Variants in TULP4 observed in about 807,000 individuals in gnomAD.
TULP4 encodes the protein tubby-related protein 4.
TULP4 carries 16 observed loss-of-function variants against 129.0 expected under a neutral mutation model. The ratio of observed to expected loss-of-function variants is 0.12; its 90% CI spans 0.08 to 0.19. TULP4 has a LOEUF of 0.19. TULP4 is among the 10% of genes least tolerant of loss of function. The pLI, the probability that TULP4 is intolerant of heterozygous loss-of-function variation, is 1.00. For synonymous variants in TULP4, 998 were observed against 854.0 expected (o/e 1.17, Z -2.94); for missense variants, 1,842 against 2,059.1 (o/e 0.89, Z 2.04).
At chr6:158,356,707 G>A (rs947633432) in intron 1 of TULP4, among the ~76,000 whole-genome samples, 7 of 152,098 alleles carry the variant, frequency 4.6e-5, no homozygotes, top group Non-Finnish European at 2.9e-5. Context: ...GGTAGATAGG[G>A]TAATTGACGG....
In TULP4 at chr6:158,342,750, A is replaced by G. The variant is rs372213754; in HGVS notation, c.252+28482A>G. Among the ~76,000 whole-genome samples the G allele has an allele frequency of 2.6e-5, 4 of 152,358 alleles. No individual in the cohort carries two copies. In the East Asian group the frequency reaches 7.7e-4, roughly 29 times the overall value. ...TCAGTTGTTAGTTCTGTCACCTACT[A>G]GCTGTATAATCTTCAACATGGCCCC... On this transcript the variant is annotated intron_variant, in intron 1 of 13. Transcript: ENST00000367097.
intron 1 of TULP4, chr6:158,398,514 T>C (rs988857670): frequency 6.6e-6 from 1 of 152,312 alleles, no homozygotes; most frequent in Non-Finnish European, 1.5e-5. Flanking sequence ...ACTTACTCTG[T>C]CCACTGGGGT....
chr6:158,242,632 A>G (rs1332896623), intron 1 of TULP4: 10 of 694,372 alleles, frequency 1.4e-5, no homozygotes, highest in Non-Finnish European at 2.2e-5. Flanking sequence ...ATGACATTCA[A>G]GGCTTCTCTG....
chr6:158,330,032 TAAA>T (rs66971418), intron 1 of TULP4, among the ~76,000 whole-genome samples: 130,862 of 152,022 alleles, frequency 0.86, 56,757 homozygotes, highest in South Asian at 0.93. Context: ...ACATTAAAAG[TAAA>T]AAGAAACAGG....
At chr6:158,500,868 C>CA (rs1780430342) in intron 12 of TULP4, among the ~76,000 whole-genome samples, 1 of 152,196 alleles carries the variant, frequency 6.6e-6, no homozygotes. Context: ...AGTTGGGGAC[C>CA]AGCCTGGCCA....
intron 1 of TULP4, among the ~76,000 whole-genome samples, chr6:158,354,962 G>A (rs935690985): frequency 1.3e-5 from 2 of 151,806 alleles, no homozygotes; most frequent in Non-Finnish European, 2.9e-5. Flanking sequence ...TTGCCATACA[G>A]GAAAATAATA....
At chr6:158,322,117 A>G (rs868121306) in intron 1 of TULP4, among the ~76,000 whole-genome samples, 1 of 152,250 alleles carries the variant, frequency 6.6e-6, no homozygotes, top group African/African-American at 2.4e-5. Flanking sequence ...TGAAACATTT[A>G]TACAGTATTT....
In TULP4 at chr6:158,502,427, T is replaced by C. The variant is rs370453448; in HGVS notation, c.2764T>C (p.Ser922Pro). The C allele has an allele frequency of 1.9e-6, 3 of 1,612,978 alleles. No individual in the cohort carries two copies. The highest frequency in any genetic ancestry group is 3.3e-5 in the Admixed American group (2 of 59,956). Residue 922 changes from serine to proline, a missense_variant, in exon 13 of 14, where the codon TCT becomes CCT. This residue lies in a region of TULP4 where 1,089 missense variants were observed against 987.1 expected (regional missense o/e 1.10). Transcript: ENST00000367097. ...GTACACCCTCCCCGGCCCGGGTAGC[T>C]CTGCCACCTTGAGGCTCACGGCCAC... is the stretch of plus-strand genomic sequence containing the variant. ...NTYTLPGPGSSATLRLTATEK... is the reference protein window; with the variant it reads ...NTYTLPGPGSPATLRLTATEK...
chr6:158,385,842 C>CTTTTTTTTTTTTTTTTTTTTTTTTTT lies in TULP4; in HGVS notation c.253-27203_253-27202insTTTTTTTTTTTTTTTTTTTTTTTTTT, dbSNP rs778595442. On this transcript the variant is annotated intron_variant, in intron 1 of 13. Coordinates refer to ENST00000367097, the MANE Select transcript of TULP4 (RefSeq NM_020245.5). ...GGAAAAGTCTACAAATGTGGAATAT[C>CTTTTTTTTTTTTTTTTTTTTTTTTTT]TTTTTTTTTTTTTTTTTTTTGAGAA... Among the ~76,000 whole-genome samples, 54 of 59,584 alleles carry CTTTTTTTTTTTTTTTTTTTTTTTTTT rather than the reference C, an allele frequency of 9.1e-4. 14 individuals are homozygous for CTTTTTTTTTTTTTTTTTTTTTTTTTT. Among genetic ancestry groups the CTTTTTTTTTTTTTTTTTTTTTTTTTT allele is most frequent in the African/African-American group, 1.0e-3 (14 of 13,882 alleles). The allele number at this position is 59,584 out of a possible 152,430, so 39.1% of individuals were successfully genotyped here. A position where few individuals can be genotyped will look rare whatever the true frequency, so the allele number is the denominator to read the frequency against.
At chr6:158,259,000 C>T (rs1044362600) in intron 1 of TULP4, among the ~76,000 whole-genome samples, 2 of 152,124 alleles carry the variant, frequency 1.3e-5, no homozygotes, top group African/African-American at 4.8e-5. Context: ...GAGGCTGAGG[C>T]GGGTGGATCA....
chr6:158,376,301 T>TG (rs1777188818), intron 1 of TULP4, among the ~76,000 whole-genome samples: 1 of 152,192 alleles, frequency 6.6e-6, no homozygotes, highest in Admixed American at 6.5e-5. Context: ...AGTCGAATGG[T>TG]GGGTGGGTGT....
chr6:158,302,484 A>G (rs959732516), intron 1 of TULP4, among the ~76,000 whole-genome samples: 2 of 152,206 alleles, frequency 1.3e-5, no homozygotes, highest in Non-Finnish European at 2.9e-5. Flanking sequence ...CTTTTTTACT[A>G]GAAACACAGG....
At chr6:158,481,993 C>T (rs1374980962) in intron 8 of TULP4, among the ~76,000 whole-genome samples, 1 of 152,186 alleles carries the variant, frequency 6.6e-6, no homozygotes, top group Non-Finnish European at 1.5e-5. Context: ...AGTCTGCCAC[C>T]TCCCTCTGAA....
intron 11 of TULP4, 103 bp downstream of exon 11, chr6:158,494,949 G>A: frequency 1.1e-6 from 1 of 870,164 alleles, no homozygotes; most frequent in Non-Finnish European, 1.8e-6. Context: ...TTTTAAGACA[G>A]CAAAAGATTA....
rs761959186 is a variant in TULP4 at position 158,493,741 on chromosome 6, C to G, written c.1776+24C>G. ...AGGTAGGAGCCCCCAGTTACCCTGCCTTGCTCCCCTCCTCCTGGGGGCTAT... is the reference window on the plus strand; with the variant it reads ...AGGTAGGAGCCCCCAGTTACCCTGCGTTGCTCCCCTCCTCCTGGGGGCTAT... On this transcript the variant is annotated intron_variant, in intron 10 of 13. Coordinates refer to ENST00000367097, the MANE Select transcript of TULP4 (RefSeq NM_020245.5). This position sits in a 1 kb window ranked among gnomAD's most constrained non-coding sequence, Gnocchi z 4.4. 1 of 1,521,486 alleles carries G rather than the reference C, an allele frequency of 6.6e-7. No homozygotes were observed. The highest frequency in any genetic ancestry group is 1.3e-5 in the South Asian group (1 of 77,168). The allele number at this position is 1,521,486 out of a possible 1,614,324, so 94.2% of individuals were successfully genotyped here.
At chr6:158,248,550 T>C (rs1778076454) in intron 1 of TULP4, among the ~76,000 whole-genome samples, 1 of 152,024 alleles carries the variant, frequency 6.6e-6, no homozygotes, top group Non-Finnish European at 1.5e-5. Context: ...ATTACAGGCA[T>C]GAGCCACCGT....
chr6:158,253,553 T>C (rs1033782216), intron 1 of TULP4, among the ~76,000 whole-genome samples: 15 of 151,910 alleles, frequency 9.9e-5, no homozygotes, highest in Non-Finnish European at 8.8e-5. Flanking sequence ...TGCCTCTGGA[T>C]TTATTATCTT....
intron 1 of TULP4, among the ~76,000 whole-genome samples, chr6:158,347,710 TC>T (rs1562529044): frequency 6.6e-6 from 1 of 152,224 alleles, no homozygotes; most frequent in Non-Finnish European, 1.5e-5. Context: ...GCCAGCTGTC[TC>T]CCCTGCCTGG....
chr6:158,336,068 A>G (rs1334511137), intron 1 of TULP4, among the ~76,000 whole-genome samples: 1 of 152,208 alleles, frequency 6.6e-6, no homozygotes, highest in Non-Finnish European at 1.5e-5. Flanking sequence ...ATTTATGAGA[A>G]TACCATTTTC....
Sources: allele counts gnomAD v4.1 joint callset (sites outside exome capture counted in the v4.1 genomes callset), GRCh38; gene constraint gnomAD v4.1.1; regional missense constraint gnomAD v4.1.1; non-coding constraint Gnocchi (gnomAD v3.1); transcripts MANE v1.5; gene names NCBI Gene and HGNC (gene_info 2026-07-23, HGNC 2026-07-21).